Variants in ZNF200 observed in about 807,000 individuals in gnomAD.
ZNF200 encodes zinc finger protein 200.
Under a neutral mutation model 33.6 loss-of-function variants are expected in ZNF200, and 35 were observed. The observed-to-expected ratio is 1.04, with a 90% confidence interval of 0.80 to 1.38. The LOEUF is 1.38. Among genes scored for constraint, ZNF200 ranks in the 40% most tolerant of loss-of-function variants. The probability of loss-of-function intolerance (pLI) is 0.00; values close to 1 mark genes in which losing one functional copy is unlikely to be tolerated. For synonymous variants in ZNF200, 209 were observed against 167.7 expected, an observed-to-expected ratio of 1.25 and a Z score of -1.90; for missense variants, 592 against 470.6, an observed-to-expected ratio of 1.26 and a Z score of -2.39.
rs988628976 is a variant in ZNF200 at position 3,235,042 on chromosome 16, G to A, written c.-137C>T. 2.0e-5 allele frequency: 3 copies of A among 152,214 alleles called. No individual in the cohort carries two copies. The highest frequency in any genetic ancestry group is 1.9e-4 in the East Asian group (1 of 5,184). The allele number at this position is 152,214 out of a possible 1,614,324, so 9.4% of individuals were successfully genotyped here. A position where few individuals can be genotyped will look rare whatever the true frequency, so the allele number is the denominator to read the frequency against. On this transcript the variant is annotated 5_prime_UTR_variant, in exon 1 of 5. Coordinates refer to ENST00000414144, the MANE Select transcript of ZNF200 (RefSeq NM_198088.3). ...TGCTGGGGACGGCTCAGAGACTCAG[G>A]CTCCGGGAGAGATAGAAAAACTAGG...
rs1346982441 is a variant in ZNF200, at chr16:3,222,808, C to T, written c.*1084G>A. Reference sequence around the variant, plus strand: ...CAAGAGGCTGAAGACAATTAATACCCACTACAATGAAGACACCTGGAAACC... The same window carrying T: ...CAAGAGGCTGAAGACAATTAATACCTACTACAATGAAGACACCTGGAAACC... On this transcript the variant is annotated 3_prime_UTR_variant, in exon 5 of 5. Transcript: ENST00000414144. The T allele has an allele frequency of 2.0e-5, 3 of 152,202 alleles. No homozygotes were observed. Among genetic ancestry groups the T allele is most frequent in the African/African-American group, 7.2e-5 (3 of 41,442 alleles). The allele number at this position is 152,202 out of a possible 1,614,324, so 9.4% of individuals were successfully genotyped here. A position where few individuals can be genotyped will look rare whatever the true frequency, so the allele number is the denominator to read the frequency against.
chr16:3,226,047 C>CTTTTTTTTTT (rs1178922643), intron 4 of ZNF200: 1 of 39,496 alleles, frequency 2.5e-5, no homozygotes, highest in African/African-American at 8.9e-5. Context: ...ATTATTTTTT[C>CTTTTTTTTTT]TTTCTTTTTT....
In ZNF200 at chr16:3,232,478, G is replaced by A; in HGVS notation, c.409C>T (p.Gln137Ter). Residue 137 changes from glutamine (Q) to a stop codon, truncating the protein, a stop_gained, in exon 4 of 5, where the codon CAA (glutamine) becomes TAA (stop). Transcript: ENST00000414144. LOFTEE classifies it high-confidence loss of function. ...TCTTCCTTCTCTGACGTGAGTTGTTGAGTAGGATCCAAGCTCACACATTCT... is the reference window on the plus strand; with the variant it reads ...TCTTCCTTCTCTGACGTGAGTTGTTAAGTAGGATCCAAGCTCACACATTCT... ...QEECVSLDPT[Q>*]QLTSEKEDDS... 2 of 1,614,068 alleles carry A rather than the reference G, an allele frequency of 1.2e-6. No individual in the cohort carries two copies. The highest frequency in any genetic ancestry group is 1.7e-6 in the Non-Finnish European group (2 of 1,179,994).
intron 4 of ZNF200, chr16:3,227,883 G>C (rs960631907): frequency 6.6e-6 from 1 of 152,054 alleles, no homozygotes; most frequent in Non-Finnish European, 1.5e-5. Flanking sequence ...AAACTCCCAT[G>C]TGTATTTGAG....
intron 4 of ZNF200, chr16:3,226,708 T>A (rs1259718440): frequency 6.6e-6 from 1 of 152,214 alleles, no homozygotes; most frequent in Non-Finnish European, 1.5e-5. Context: ...AATACCACAG[T>A]GAATAATCTT....
chr16:3,228,759 C>G (rs994356022), intron 4 of ZNF200, among the ~76,000 whole-genome samples: 2 of 152,076 alleles, frequency 1.3e-5, no homozygotes, highest in African/African-American at 2.4e-5. Flanking sequence ...CTTTGCCTCC[C>G]AAAGTGCTGG....
At chr16:3,226,419 A>G (rs1958473671) in intron 4 of ZNF200, 1 of 152,210 alleles carries the variant, frequency 6.6e-6, no homozygotes, top group Non-Finnish European at 1.5e-5. Flanking sequence ...AGCTCTTGAC[A>G]TGAACTACCA....
At chr16:3,232,250 G>A (rs1428157325) in intron 4 of ZNF200, among the ~76,000 whole-genome samples, 171 bp downstream of exon 4, 1 of 152,072 alleles carries the variant, frequency 6.6e-6, no homozygotes, top group Non-Finnish European at 1.5e-5. Flanking sequence ...CCCACCCACA[G>A]CTGGAGTTCT....
chr16:3,231,497 C>G (rs766913357), intron 4 of ZNF200, among the ~76,000 whole-genome samples: 7 of 152,198 alleles, frequency 4.6e-5, no homozygotes, highest in Non-Finnish European at 1.0e-4. Context: ...TAAAAAGTGT[C>G]CGGCACTCAG....
At chr16:3,225,648 A>G (rs1264985347) in intron 4 of ZNF200, 4 of 152,156 alleles carry the variant, frequency 2.6e-5, no homozygotes, top group East Asian at 1.9e-4. Context: ...CTTGAGCTAT[A>G]TATTTACAAT....
Position 3,233,600 on chromosome 16 carries a change from G to C in ZNF200, c.156C>G (p.Thr52=). The C allele has an allele frequency of 3.1e-6, 5 of 1,613,738 alleles. No homozygotes were observed. The highest frequency in any genetic ancestry group is 2.2e-5 in the South Asian group (2 of 91,042). ...GGACCAGGCTTGGCTTGGGCAAGAA[G>C]GTGAGGAAGTGCTCCAGCACTAGCT... ...IHQLVLEHFL[T]FLPKPSLVQP... The change falls in exon 2 of 5, where the codon ACC becomes ACG. Residue 52 remains threonine, a synonymous_variant. Transcript: ENST00000414144.
At chr16:3,230,817 C>A (rs1222222519) in intron 4 of ZNF200, among the ~76,000 whole-genome samples, 1 of 152,212 alleles carries the variant, frequency 6.6e-6, no homozygotes, top group African/African-American at 2.4e-5. Flanking sequence ...TATTTCCCAT[C>A]ATGGATTCAA....
chr16:3,223,828 A>G lies in ZNF200; in HGVS notation c.*64T>C. The G allele has an allele frequency of 2.0e-6, 3 of 1,517,388 alleles. No homozygotes were observed. Among genetic ancestry groups the G allele is most frequent in the Non-Finnish European group, 2.6e-6 (3 of 1,137,358 alleles). The allele number at this position is 1,517,388 out of a possible 1,614,324, so 94.0% of individuals were successfully genotyped here. A position where few individuals can be genotyped will look rare whatever the true frequency, so the allele number is the denominator to read the frequency against. ...ACCTTTTTAGGCAGCTTGGGAATTCAGAACTACTTATGAAAGCTCTCAGGT... is the reference window on the plus strand; with the variant it reads ...ACCTTTTTAGGCAGCTTGGGAATTCGGAACTACTTATGAAAGCTCTCAGGT... On this transcript the variant is annotated 3_prime_UTR_variant, in exon 5 of 5. Transcript: ENST00000414144.
At chr16:3,229,513 A>C (rs1483485554) in intron 4 of ZNF200, among the ~76,000 whole-genome samples, 1 of 152,176 alleles carries the variant, frequency 6.6e-6, no homozygotes, top group Non-Finnish European at 1.5e-5. Context: ...CTAGCCACCT[A>C]CCCAAGAAAA....
Position 3,224,360 on chromosome 16 carries a change from A to G in ZNF200, c.720T>C (p.Ile240=). The G allele has an allele frequency of 1.2e-6, 2 of 1,614,228 alleles. No individual in the cohort carries two copies. The highest frequency in any genetic ancestry group is 1.7e-6 in the Non-Finnish European group (2 of 1,180,048). ...ELSKYVDISI[I]ALTRNRRTRR... is the part of the protein sequence containing the mutation. Reference sequence around the variant, plus strand: ...TTGTCCTCCGATTTCGAGTAAGGGCAATAATACTGATGTCTACATATTTTG... The same window carrying G: ...TTGTCCTCCGATTTCGAGTAAGGGCGATAATACTGATGTCTACATATTTTG... The change falls in exon 5 of 5, where the codon ATT becomes ATC. Residue 240 remains isoleucine (I), a synonymous_variant. Transcript: ENST00000414144.
Position 3,224,141 on chromosome 16 carries a change from A to G in ZNF200, c.939T>C (p.Cys313=). Residue 313 remains cysteine (C), a synonymous_variant, in exon 5 of 5, where the codon TGT becomes TGC. Coordinates refer to ENST00000414144, the MANE Select transcript of ZNF200 (RefSeq NM_198088.3). ...TGEKPYSCSQ[C]GKNFRQNSHR... ...GAGAATTCTGACGGAAGTTTTTTCC[A>G]CACTGAGAACAGGAATAAGGTTTCT... 1 of 1,614,114 alleles carries G rather than the reference A, an allele frequency of 6.2e-7. No homozygotes were observed. Among genetic ancestry groups the G allele is most frequent in the Non-Finnish European group, 8.5e-7 (1 of 1,180,014 alleles).
Position 3,224,286 on chromosome 16 carries a change from G to C in ZNF200, c.794C>G (p.Ser265Cys), listed in dbSNP as rs117151961. The change falls in exon 5 of 5, where the codon TCT becomes TGT. Residue 265 changes from serine (S) to cysteine (C), a missense_variant. Transcript: ENST00000414144. ...GGTCCTCTGGTGGGAAATGAGGTAAGAACTTTCATTAAACTGTTTCCCACA... is the reference window on the plus strand; with the variant it reads ...GGTCCTCTGGTGGGAAATGAGGTAACAACTTTCATTAAACTGTTTCCCACA... The part of the protein sequence containing the change: ...PLCGKQFNES[S>C]YLISHQRTHT... 6.2e-7 allele frequency: 1 copy of C among 1,614,076 alleles called. No individual in the cohort carries two copies. Among genetic ancestry groups the C allele is most frequent in the South Asian group, 1.1e-5 (1 of 91,070 alleles).
intron 4 of ZNF200, chr16:3,226,398 A>G (rs1254498507): frequency 1.3e-5 from 2 of 152,152 alleles, no homozygotes; most frequent in Non-Finnish European, 2.9e-5. Context: ...TGAAATGTCA[A>G]TTTTTACCAT....
chr16:3,223,319 A>G lies in ZNF200; in HGVS notation c.*573T>C, dbSNP rs1196905250. 1.3e-5 allele frequency: 2 copies of G among 152,332 alleles called. No homozygotes were observed. The highest frequency in any genetic ancestry group is 4.8e-5 in the African/African-American group (2 of 41,472). 9.4% of individuals were successfully genotyped at this position (152,332 alleles called of 1,614,324 possible). ...TGATTGCAAATTTAGATCACATACA[A>G]ATGAGAGTCTGACATTCAACTGTTT... On this transcript the variant is annotated 3_prime_UTR_variant, in exon 5 of 5. Transcript: ENST00000414144.
Sources: allele counts gnomAD v4.1 joint callset (sites outside exome capture counted in the v4.1 genomes callset), GRCh38; gene constraint gnomAD v4.1.1; transcripts MANE v1.5; gene names NCBI Gene and HGNC (gene_info 2026-07-23, HGNC 2026-07-21).